The following CTNNA2 variants were observed in gnomAD, a reference collection of about 807,000 sequenced individuals.
CTNNA2 encodes the protein catenin alpha-2.
Under a neutral mutation model 101.0 loss-of-function variants are expected in CTNNA2, and 42 were observed. The ratio of observed to expected loss-of-function variants is 0.42; its 90% confidence interval spans 0.32 to 0.54. CTNNA2 has a LOEUF of 0.54. Among genes scored for constraint, CTNNA2 ranks in the 20% least tolerant of loss-of-function variants. CTNNA2 has a pLI of 0.14. For synonymous variants in CTNNA2, 450 were observed against 456.4 expected, an observed-to-expected ratio of 0.99 and a Z score of 0.18; for missense variants, 871 against 1,223.1, an observed-to-expected ratio of 0.71 and a Z score of 4.29.
At chr2:79,847,307 G>A (rs1028617618) in intron 3 of CTNNA2, among the ~76,000 whole-genome samples, 1 of 152,106 alleles carries the variant, frequency 6.6e-6, no homozygotes, top group Admixed American at 6.6e-5. Flanking sequence ...CACTTTGGGA[G>A]GCTGAGGCGA....
At chr2:80,343,462 G>GA (rs1372785430) in intron 7 of CTNNA2, among the ~76,000 whole-genome samples, 2 of 150,066 alleles carry the variant, frequency 1.3e-5, no homozygotes, top group Non-Finnish European at 1.5e-5. Flanking sequence ...AGCCTGCAGA[G>GA]AAAAAAGGAT....
intron 7 of CTNNA2, among the ~76,000 whole-genome samples, chr2:80,046,480 G>A (rs1030748463): frequency 1.3e-5 from 2 of 152,122 alleles, no homozygotes; most frequent in African/African-American, 4.8e-5. Context: ...TCTTCCTCCT[G>A]CCTGGATCCA....
At chr2:79,458,372 T>TA (rs1670846501) in intron 4 of CTNNA2, among the ~76,000 whole-genome samples, 1 of 152,178 alleles carries the variant, frequency 6.6e-6, no homozygotes, top group Non-Finnish European at 1.5e-5. Context: ...TGTTGCTCTA[T>TA]AAGATCAACA....
chr2:79,852,677 C>T (rs1274057159), intron 3 of CTNNA2, among the ~76,000 whole-genome samples: 1 of 152,194 alleles, frequency 6.6e-6, no homozygotes, highest in African/African-American at 2.4e-5. Context: ...CTGCAACCTC[C>T]GCCTTCCGGG....
intron 1 of CTNNA2, among the ~76,000 whole-genome samples, chr2:79,647,862 A>G (rs1011606329): frequency 8.5e-5 from 13 of 152,216 alleles, no homozygotes; most frequent in African/African-American, 2.9e-4. Context: ...CTCCAGCTCC[A>G]GCTCGGATTC....
chr2:79,818,821 T>TATATATATATATATA, intron 3 of CTNNA2, among the ~76,000 whole-genome samples: 1 of 74,280 alleles, frequency 1.3e-5, no homozygotes, highest in South Asian at 5.3e-4. Context: ...CAAAATGCAA[T>TATATATATATATATA]TATATATATA....
intron 7 of CTNNA2, among the ~76,000 whole-genome samples, chr2:80,382,919 G>T (rs1004989938): frequency 2.6e-5 from 4 of 152,182 alleles, no homozygotes; most frequent in Non-Finnish European, 5.9e-5. Flanking sequence ...TATTCAGTTT[G>T]GGTATGTGTG....
chr2:79,406,329 G>A (rs1356977315), intron 4 of CTNNA2, among the ~76,000 whole-genome samples: 1 of 141,506 alleles, frequency 7.1e-6, no homozygotes, highest in Non-Finnish European at 1.6e-5. Flanking sequence ...AAGGATACAT[G>A]TAGGAGGACC....
intron 2 of CTNNA2, among the ~76,000 whole-genome samples, chr2:79,239,853 GT>G (rs1365864685): frequency 6.6e-6 from 1 of 151,944 alleles, no homozygotes; most frequent in African/African-American, 2.4e-5. Context: ...GCTTTTTAAT[GT>G]TTAGGGCGAA....
At chr2:79,578,693 G>C (rs373421063) in intron 1 of CTNNA2, among the ~76,000 whole-genome samples, 8 of 152,196 alleles carry the variant, frequency 5.3e-5, no homozygotes, top group African/African-American at 1.9e-4. Flanking sequence ...TATAGCACAG[G>C]CCTGTTCCTG....
chr2:79,649,421 A>G (rs1456514742), intron 1 of CTNNA2: 2 of 154,770 alleles, frequency 1.3e-5, no homozygotes, highest in African/African-American at 4.8e-5. Flanking sequence ...TAGAGTTTGA[A>G]AAAGGTTCTC....
intron 4 of CTNNA2, among the ~76,000 whole-genome samples, chr2:79,495,632 A>T (rs985010344): frequency 6.6e-6 from 1 of 152,192 alleles, no homozygotes; most frequent in African/African-American, 2.4e-5. Flanking sequence ...CTCAAGAGGA[A>T]TTATAACACA....
rs1411622292 is a variant in CTNNA2, at chr2:80,309,532, TG to T, written c.1057-83678del. Among the ~76,000 whole-genome samples the T allele has an allele frequency of 8.5e-5, 13 of 152,280 alleles. No homozygotes were observed. The East Asian group carries it at 2.3e-3, about 27-fold the overall frequency. ...AAAGACCTTGTTGGGATTTCTGCTT[TG>T]CCACTTTTTAATCGGTATAACCCTA... On this transcript the variant is annotated intron_variant, in intron 7 of 18. Coordinates refer to ENST00000402739, the MANE Select transcript of CTNNA2 (RefSeq NM_001282597.3).
chr2:80,459,903 G>T (rs1157817679), intron 9 of CTNNA2, among the ~76,000 whole-genome samples: 1 of 152,122 alleles, frequency 6.6e-6, no homozygotes, highest in African/African-American at 2.4e-5. Context: ...TGCTGGACTG[G>T]CAGAGACTTG....
At chr2:79,577,524 A>G (rs1675872683) in intron 1 of CTNNA2, among the ~76,000 whole-genome samples, 1 of 152,114 alleles carries the variant, frequency 6.6e-6, no homozygotes, top group Non-Finnish European at 1.5e-5. Context: ...CAGGCTTCAA[A>G]AATTGCACAA....
At chr2:80,031,373 C>T (rs78809082) in intron 7 of CTNNA2, among the ~76,000 whole-genome samples, 63 of 152,286 alleles carry the variant, frequency 4.1e-4, no homozygotes, top group Middle Eastern at 3.4e-3. Flanking sequence ...AACAGTTCCA[C>T]GTGGCTGGGG....
chr2:79,581,976 T>C (rs984707141), intron 1 of CTNNA2, among the ~76,000 whole-genome samples: 1 of 152,190 alleles, frequency 6.6e-6, no homozygotes, highest in Non-Finnish European at 1.5e-5. Context: ...AATACAGCTG[T>C]AGGTATTAAC....
At chr2:79,990,097 A>T (rs1320919395) in intron 7 of CTNNA2, among the ~76,000 whole-genome samples, 1 of 152,178 alleles carries the variant, frequency 6.6e-6, no homozygotes, top group African/African-American at 2.4e-5. Flanking sequence ...GAGAGGCTCC[A>T]TGCCCTTCTT....
chr2:79,607,287 A>G (rs1677956863), intron 1 of CTNNA2, among the ~76,000 whole-genome samples: 1 of 152,190 alleles, frequency 6.6e-6, no homozygotes, highest in African/African-American at 2.4e-5. Flanking sequence ...AACTGCAAGG[A>G]GAAACAGAAA....
Sources: allele counts gnomAD v4.1 joint callset (sites outside exome capture counted in the v4.1 genomes callset), GRCh38; gene constraint gnomAD v4.1.1; transcripts MANE v1.5; gene names NCBI Gene and HGNC (gene_info 2026-07-23, HGNC 2026-07-21).